The following LDB2 variants were observed in gnomAD, a reference collection of about 807,000 sequenced individuals.
LDB2 encodes LIM domain-binding protein 2.
Under a neutral mutation model 44.3 loss-of-function variants are expected in LDB2, and 12 were observed. That is an observed-to-expected ratio of 0.27 (90% CI 0.17 to 0.44). LDB2 has a LOEUF of 0.44. Ranked by LOEUF, LDB2 falls within the 20% of genes least tolerant of loss-of-function variation. LDB2 has a pLI of 1.00. For missense variants in LDB2, 344 were observed against 473.5 expected (o/e 0.73, Z 2.54); for synonymous variants, 164 against 174.8 (o/e 0.94, Z 0.49).
chr4:16,578,427 C>A (rs1712756488), intron 5 of LDB2, among the ~76,000 whole-genome samples: 1 of 152,126 alleles, frequency 6.6e-6, no homozygotes, highest in African/African-American at 2.4e-5. Flanking sequence ...AAGAGACATA[C>A]AAATGGCAAA....
intron 1 of LDB2, chr4:16,893,235 A>C (rs1723933666): frequency 6.4e-6 from 1 of 156,470 alleles, no homozygotes; most frequent in Non-Finnish European, 1.3e-5. Flanking sequence ...AACAACTTGC[A>C]AAGTTCTGTT....
At chr4:16,836,010 G>A (rs1784828943) in intron 1 of LDB2, among the ~76,000 whole-genome samples, 1 of 152,190 alleles carries the variant, frequency 6.6e-6, no homozygotes, top group East Asian at 1.9e-4. Context: ...TGTAAATACT[G>A]CCAGTAAGGA....
chr4:16,528,651 T>C (rs1268744728), intron 5 of LDB2, among the ~76,000 whole-genome samples: 1 of 152,170 alleles, frequency 6.6e-6, no homozygotes, highest in African/African-American at 2.4e-5. Context: ...TTCAAATTGG[T>C]AGACTTGTGC....
chr4:16,752,355 G>C (rs1765655129), intron 2 of LDB2: 1 of 438,022 alleles, frequency 2.3e-6, no homozygotes, highest in Non-Finnish European at 4.5e-6. Context: ...CTCACCCTCT[G>C]TTGGACAGAT....
chr4:16,702,512 A>G (rs1424169757), intron 2 of LDB2, among the ~76,000 whole-genome samples: 2 of 152,140 alleles, frequency 1.3e-5, no homozygotes, highest in East Asian at 3.9e-4. Flanking sequence ...CAGTTTCAAG[A>G]AGTAGGTAAG....
chr4:16,809,379 T>A (rs1011259960), intron 1 of LDB2, among the ~76,000 whole-genome samples: 15 of 152,146 alleles, frequency 9.9e-5, no homozygotes, highest in African/African-American at 3.6e-4. Context: ...AACAAACAGG[T>A]GTCAATGCTA....
rs185040865 is a variant in LDB2 at position 16,673,664 on chromosome 4, T to C, written c.236-77789A>G. On this transcript the variant is annotated intron_variant, in intron 2 of 7. Transcript: ENST00000304523. ...ATTTCTTTGGCCTCCCAGGGAACAA[T>C]TGGCAATGTCTAGAGACATTTTTGG... Among the ~76,000 whole-genome samples, 506 of 152,288 alleles carry C rather than the reference T, an allele frequency of 3.3e-3. 2 individuals are homozygous for C. The highest frequency in any genetic ancestry group is 7.8e-3 in the Admixed American group (120 of 15,298).
chr4:16,678,723 T>C (rs1042374848), intron 2 of LDB2, among the ~76,000 whole-genome samples: 52 of 152,314 alleles, frequency 3.4e-4, no homozygotes, highest in African/African-American at 1.0e-3. Flanking sequence ...TCTTGATATG[T>C]GGTATACAAG....
In LDB2 at chr4:16,781,295, T is replaced by C. The variant is rs538964436; in HGVS notation, c.133-22035A>G. Among the ~76,000 whole-genome samples the C allele has an allele frequency of 1.1e-3, 170 of 152,330 alleles. 2 individuals carry two copies. The highest frequency in any genetic ancestry group is 6.8e-3 in the Middle Eastern group (2 of 294). On this transcript the variant is annotated intron_variant, in intron 1 of 7. Coordinates refer to ENST00000304523, the MANE Select transcript of LDB2 (RefSeq NM_001290.5). Reference sequence around the variant, plus strand: ...AAGGCAGCTGTCATGCGCGGCAGTTTCTTTAGCTGCTCTGTTGTACTTGAG... The same window carrying C: ...AAGGCAGCTGTCATGCGCGGCAGTTCCTTTAGCTGCTCTGTTGTACTTGAG...
chr4:16,598,778 G>A (rs1025582712), intron 2 of LDB2, among the ~76,000 whole-genome samples: 1 of 151,944 alleles, frequency 6.6e-6, no homozygotes, highest in African/African-American at 2.4e-5. Flanking sequence ...AGTCTTCATG[G>A]GCTGATTTGG....
intron 2 of LDB2, among the ~76,000 whole-genome samples, chr4:16,615,490 GA>G (rs1438266320): frequency 1.1e-4 from 17 of 152,068 alleles, no homozygotes; most frequent in African/African-American, 4.1e-4. Flanking sequence ...TCAACCTCAG[GA>G]AACTAACACA....
chr4:16,740,480 G>A (rs1421238586), intron 2 of LDB2, among the ~76,000 whole-genome samples: 5 of 152,284 alleles, frequency 3.3e-5, no homozygotes, highest in East Asian at 3.9e-4. Context: ...CCAATCGTGC[G>A]AGCTGTTCTT....
chr4:16,612,877 AAACCGGG>A (rs1390929989), intron 2 of LDB2, among the ~76,000 whole-genome samples: 2 of 152,234 alleles, frequency 1.3e-5, no homozygotes, highest in African/African-American at 4.8e-5. Flanking sequence ...CCTGATACCC[AAACCGGG>A]AAGAGACAGA....
chr4:16,724,384 C>T (rs1197415367), intron 2 of LDB2, among the ~76,000 whole-genome samples: 1 of 150,956 alleles, frequency 6.6e-6, no homozygotes, highest in Non-Finnish European at 1.5e-5. Context: ...CTTAGTTTGG[C>T]AACTAGATAG....
At chr4:16,740,392 G>A (rs1048310465) in intron 2 of LDB2, among the ~76,000 whole-genome samples, 3 of 152,202 alleles carry the variant, frequency 2.0e-5, no homozygotes, top group African/African-American at 7.2e-5. Context: ...TGTCTATCAC[G>A]ATGCATCCTC....
chr4:16,735,860 T>C (rs927903871), intron 2 of LDB2, among the ~76,000 whole-genome samples: 1 of 152,182 alleles, frequency 6.6e-6, no homozygotes, highest in African/African-American at 2.4e-5. Context: ...GAAACTGTCA[T>C]AGACCGGAAG....
At chr4:16,677,399 T>C (rs1420373019) in intron 2 of LDB2, among the ~76,000 whole-genome samples, 2 of 152,216 alleles carry the variant, frequency 1.3e-5, no homozygotes, top group Non-Finnish European at 2.9e-5. Flanking sequence ...CTCTGAAGTA[T>C]GTGGTTAAGA....
intron 5 of LDB2, among the ~76,000 whole-genome samples, chr4:16,512,953 A>C (rs1722352980): frequency 6.6e-6 from 1 of 152,214 alleles, no homozygotes; most frequent in Non-Finnish European, 1.5e-5. Context: ...CATTGAGAAT[A>C]CTGTACTTAT....
intron 1 of LDB2, among the ~76,000 whole-genome samples, chr4:16,763,503 G>C (rs954790017): frequency 6.7e-6 from 1 of 148,792 alleles, no homozygotes; most frequent in Non-Finnish European, 1.5e-5. Context: ...CTTTAGTTAT[G>C]ACAGAACAAA....
Sources: gnomAD v4.1 joint callset for allele counts (sites outside exome capture counted in the v4.1 genomes callset) on GRCh38, gnomAD v4.1.1 for gene constraint, MANE v1.5 for transcripts, NCBI Gene and HGNC (gene_info 2026-07-23, HGNC 2026-07-21) for gene names.